Variants in PCID2 observed in about 807,000 individuals in gnomAD.
The protein encoded by PCID2 is PCI domain containing 2.
PCID2 carries 41 observed loss-of-function variants against 61.3 expected under a neutral mutation model. The ratio of observed to expected loss-of-function variants is 0.67; its 90% CI spans 0.52 to 0.87. The LOEUF (loss-of-function observed/expected upper bound fraction) is 0.87. Among genes scored for constraint, PCID2 ranks in the 40% least tolerant of loss-of-function variants. PCID2 has a pLI of 0.00. For synonymous variants in PCID2, 187 were observed against 177.8 expected (o/e 1.05, Z -0.41); for missense variants, 392 against 493.4 (o/e 0.79, Z 1.95).
chr13:113,167,958 A>C, the PCID2 span, among the ~76,000 whole-genome samples: 1 of 151,682 alleles, frequency 6.6e-6, no homozygotes, highest in African/African-American at 2.4e-5. Context: ...CGGTTGCTTC[A>C]CAGTTTGGAG....
Position 113,184,424 on chromosome 13 carries a change from C to T in PCID2, c.607G>A (p.Asp203Asn), listed in dbSNP as rs1164233323. The T allele has an allele frequency of 5.6e-6, 9 of 1,607,136 alleles. No homozygotes were observed. The highest frequency in any genetic ancestry group is 1.3e-5 in the African/African-American group (1 of 74,806). ...GTTACTCTCTGTGCAGTGCTGTAAT[C>T]GTCTTTCAGGTTTGAGCTGTCAATT... ...RAIDSSNLKD[D>N]YSTAQRVTYK... is the part of the protein sequence containing the mutation. Residue 203 changes from aspartate (D) to asparagine (N), a missense_variant, in exon 9 of 14, where the codon GAT (aspartate) becomes AAT (asparagine). By Grantham distance (23) the Asp-to-Asn change is conservative. This residue lies in a region of PCID2 where 226 missense variants were observed against 296.5 expected (regional missense o/e 0.76). Coordinates refer to ENST00000337344, the MANE Select transcript of PCID2 (RefSeq NM_001127202.4).
At chr13:113,165,214 C>T in the PCID2 span, 1 of 1,330,206 alleles carries the variant, frequency 7.5e-7, no homozygotes, top group Non-Finnish European at 1.1e-6. Flanking sequence ...CTAAGTGAAT[C>T]AGGCATCCTG....
chr13:113,178,886 C>T, intron 13 of PCID2, 80 bp downstream of exon 13: 1 of 1,419,830 alleles, frequency 7.0e-7, no homozygotes, highest in Non-Finnish European at 9.5e-7. Context: ...ACAATTTTAA[C>T]ACCACCACAC....
the PCID2 span, chr13:113,165,102 A>G: frequency 6.2e-7 from 1 of 1,612,296 alleles, no homozygotes; most frequent in African/African-American, 1.3e-5. Flanking sequence ...CACCGGATCT[A>G]CAGGACCTCC....
chr13:113,181,429 G>C (rs763353285), intron 9 of PCID2, among the ~76,000 whole-genome samples, 199 bp from the exon 10 acceptor site: 84 of 152,062 alleles, frequency 5.5e-4, no homozygotes, highest in Non-Finnish European at 1.1e-3. Flanking sequence ...AATTCAACAG[G>C]AACTGCCTGG....
intron 3 of PCID2, among the ~76,000 whole-genome samples, chr13:113,197,804 T>C (rs776225807): frequency 2.0e-5 from 3 of 152,208 alleles, no homozygotes; most frequent in Non-Finnish European, 4.4e-5. Flanking sequence ...ACTGATCCTT[T>C]AGAGATAAAA....
intron 1 of PCID2, among the ~76,000 whole-genome samples, chr13:113,205,041 C>T (rs2039706185): frequency 6.6e-6 from 1 of 152,194 alleles, no homozygotes; most frequent in African/African-American, 2.4e-5. Flanking sequence ...CAGGAGGCAC[C>T]ATCTACTCTT....
intron 7 of PCID2, 164 bp from the exon 8 acceptor site, chr13:113,185,724 A>C: frequency 2.0e-6 from 1 of 491,424 alleles, no homozygotes. Flanking sequence ...CAAACAAAAT[A>C]ACATTATGAA....
downstream of PCID2, among the ~76,000 whole-genome samples, chr13:113,174,927 T>C (rs2037164790): frequency 6.6e-6 from 1 of 152,246 alleles, no homozygotes; most frequent in Admixed American, 6.5e-5. Context: ...ACACAGGCCT[T>C]GACTTTGCGT....
intron 1 of PCID2, among the ~76,000 whole-genome samples, chr13:113,207,524 G>A (rs1456816521): frequency 6.6e-6 from 1 of 152,218 alleles, no homozygotes; most frequent in Non-Finnish European, 1.5e-5. Flanking sequence ...CAAAAGATTG[G>A]CAAGTATAGA....
chr13:113,180,307 A>G, intron 10 of PCID2, 76 bp from the exon 11 acceptor site: 1 of 1,184,282 alleles, frequency 8.4e-7, no homozygotes, highest in South Asian at 1.2e-5. Flanking sequence ...CATATCAAGG[A>G]ATTAAGTTTT....
chr13:113,170,206 A>C, the PCID2 span, among the ~76,000 whole-genome samples: 1 of 151,790 alleles, frequency 6.6e-6, no homozygotes, highest in Non-Finnish European at 1.5e-5. Context: ...TTAATCCCTA[A>C]GCAAACAAAA....
At chr13:113,191,047 C>A in intron 6 of PCID2, 72 bp from the exon 7 acceptor site, 1 of 1,048,748 alleles carries the variant, frequency 9.5e-7, no homozygotes. Flanking sequence ...GGCTGGACTG[C>A]AGTGGCACAA....
At chr13:113,171,662 G>A in the PCID2 span, 33 of 1,613,976 alleles carry the variant, frequency 2.0e-5, no homozygotes, top group East Asian at 7.3e-4. This position sits in a 1 kb window ranked among gnomAD's most constrained non-coding sequence, Gnocchi z 5.1. Context: ...CATGCGGTAT[G>A]ACGCGGACGC....
Position 113,197,026 on chromosome 13 carries a change from A to T in PCID2, c.266+152T>A, listed in dbSNP as rs1201723855. The T allele has an allele frequency of 2.5e-6, 4 of 1,612,752 alleles. No homozygotes were observed. In the African/African-American group the frequency reaches 5.3e-5, roughly 22 times the overall value. ...CATGCTAAATTTAAGTACCCAAGTG[A>T]AAGAGCTGAAACGAGCTTCTGTTCC... is the stretch of plus-strand genomic sequence containing the variant. On this transcript the variant is annotated intron_variant, in intron 4 of 13. Transcript: ENST00000337344.
At chr13:113,182,342 G>A (rs1166461818) in intron 9 of PCID2, among the ~76,000 whole-genome samples, 1 of 152,176 alleles carries the variant, frequency 6.6e-6, no homozygotes, top group Non-Finnish European at 1.5e-5. Context: ...TGACCCACGA[G>A]GAGCCCTGTG....
chr13:113,200,878 A>G (rs1162903569), intron 1 of PCID2, among the ~76,000 whole-genome samples: 1 of 152,058 alleles, frequency 6.6e-6, no homozygotes, highest in African/African-American at 2.4e-5. Context: ...CAGGAGTTCG[A>G]GACCATCCTG....
downstream of PCID2, among the ~76,000 whole-genome samples, chr13:113,175,487 T>C (rs2037171004): frequency 6.6e-6 from 1 of 152,192 alleles, no homozygotes; most frequent in African/African-American, 2.4e-5. Flanking sequence ...TTGAAGGATG[T>C]TCAAGGCCCA....
At position 113,179,704 on chromosome 13, in the gene PCID2, C is replaced by A. The variant is rs116752849; in HGVS notation, c.986+213G>T. Among the ~76,000 whole-genome samples, 1 of 152,192 alleles carries A rather than the reference C, an allele frequency of 6.6e-6. No individual in the cohort carries two copies. The highest frequency in any genetic ancestry group is 6.5e-5 in the Admixed American group (1 of 15,282). On this transcript the variant is annotated intron_variant, in intron 12 of 13. Transcript: ENST00000337344. The surrounding 1 kb of genome is among the most constrained non-coding windows in gnomAD (Gnocchi z 4.3). ...TCACATAGAACCTGCTTACCTCCCCCACAAGTCCAGGCACAGCTTGTGCTA... is the reference window on the plus strand; with the variant it reads ...TCACATAGAACCTGCTTACCTCCCCAACAAGTCCAGGCACAGCTTGTGCTA...
Sources: allele counts gnomAD v4.1 joint callset (sites outside exome capture counted in the v4.1 genomes callset), GRCh38; gene constraint gnomAD v4.1.1; regional missense constraint gnomAD v4.1.1; non-coding constraint Gnocchi (gnomAD v3.1); transcripts MANE v1.5; gene names NCBI Gene and HGNC (gene_info 2026-07-23, HGNC 2026-07-21).